The following SLC28A3 variants were observed in gnomAD, a reference collection of about 807,000 sequenced individuals.
SLC28A3 encodes concentrative Na(+)-nucleoside cotransporter 3.
In SLC28A3, 68 loss-of-function variants were observed where a neutral mutation model predicts 84.2. That is an observed-to-expected ratio of 0.81 (90% CI 0.66 to 0.99). The LOEUF (loss-of-function observed/expected upper bound fraction) is 0.99. Among genes scored for constraint, SLC28A3 ranks in the 50% least tolerant of loss-of-function variants. The pLI is 0.00. For missense variants in SLC28A3, 712 were observed against 841.5 expected, an observed-to-expected ratio of 0.85 and a Z score of 1.90; for synonymous variants, 267 against 303.6, an observed-to-expected ratio of 0.88 and a Z score of 1.25.
chr9:84,353,911 C>A, the SLC28A3 span, among the ~76,000 whole-genome samples: 1 of 152,164 alleles, frequency 6.6e-6, no homozygotes. Flanking sequence ...ACCAATCATT[C>A]CAGGTAAATC....
intron 17 of SLC28A3, 65 bp downstream of exon 17, chr9:84,279,200 T>C (rs1824640172): frequency 1.5e-6 from 2 of 1,324,288 alleles, no homozygotes; most frequent in African/African-American, 1.6e-5. Flanking sequence ...AGTAAGTGGA[T>C]ATTTAGGTGT....
chr9:84,308,001 T>C (rs1825860736), intron 3 of SLC28A3, among the ~76,000 whole-genome samples: 1 of 152,138 alleles, frequency 6.6e-6, no homozygotes, highest in East Asian at 1.9e-4. Flanking sequence ...GGATAAAACT[T>C]TGCTATGTTT....
At chr9:84,342,143 A>AT (rs1221204965), upstream of SLC28A3, among the ~76,000 whole-genome samples, 1 of 133,316 alleles carries the variant, frequency 7.5e-6, no homozygotes, top group Non-Finnish European at 1.5e-5. Context: ...AAAAAAAAAA[A>AT]AGAAAAGAAA....
chr9:84,368,049 T>C, the SLC28A3 span, among the ~76,000 whole-genome samples: 1 of 152,060 alleles, frequency 6.6e-6, no homozygotes, highest in East Asian at 1.9e-4. Flanking sequence ...TGGTAAGGTC[T>C]TTCTCTTCCC....
At chr9:84,310,622 T>C in intron 2 of SLC28A3, 2 of 981,422 alleles carry the variant, frequency 2.0e-6, no homozygotes, top group Non-Finnish European at 2.4e-6. Flanking sequence ...ATCATTAGTG[T>C]GTGTCTGAGA....
intron 6 of SLC28A3, among the ~76,000 whole-genome samples, chr9:84,298,822 C>A (rs1825515797): frequency 6.6e-6 from 1 of 152,104 alleles, no homozygotes; most frequent in African/African-American, 2.4e-5. Context: ...GTAAAAGAGA[C>A]CAATAAACTC....
At chr9:84,346,476 T>C in the SLC28A3 span, among the ~76,000 whole-genome samples, 1 of 152,224 alleles carries the variant, frequency 6.6e-6, no homozygotes, top group African/African-American at 2.4e-5. Flanking sequence ...TCCAGACTCC[T>C]GTCTTCCTCC....
chr9:84,305,506 A>C (rs1825762965), intron 3 of SLC28A3, among the ~76,000 whole-genome samples, 161 bp from the exon 4 acceptor site: 2 of 152,238 alleles, frequency 1.3e-5, no homozygotes, highest in South Asian at 4.1e-4. Context: ...ATTTCATTTT[A>C]GACTAGAGTC....
At chr9:84,306,386 CCT>C (rs1333587307) in intron 3 of SLC28A3, among the ~76,000 whole-genome samples, 4 of 152,214 alleles carry the variant, frequency 2.6e-5, no homozygotes, top group African/African-American at 9.6e-5. Flanking sequence ...AAGTCAGCTT[CCT>C]CTCAAGCTTT....
At chr9:84,335,129 G>A (rs941206849) in intron 1 of SLC28A3, among the ~76,000 whole-genome samples, 12 of 152,136 alleles carry the variant, frequency 7.9e-5, no homozygotes, top group Non-Finnish European at 1.2e-4. Flanking sequence ...TATGCTACAA[G>A]CTTCCTACTT....
intron 1 of SLC28A3, among the ~76,000 whole-genome samples, chr9:84,339,583 G>A (rs997405135): frequency 1.4e-4 from 22 of 152,118 alleles, no homozygotes; most frequent in African/African-American, 4.1e-4. Flanking sequence ...TAAAATTTGC[G>A]TGCCTTTTCT....
At chr9:84,361,152 T>G in the SLC28A3 span, among the ~76,000 whole-genome samples, 1 of 152,108 alleles carries the variant, frequency 6.6e-6, no homozygotes, top group Admixed American at 6.5e-5. Flanking sequence ...GAGACCATCC[T>G]GGCCAACATG....
chr9:84,306,882 G>C (rs1343734033), intron 3 of SLC28A3, among the ~76,000 whole-genome samples: 1 of 151,360 alleles, frequency 6.6e-6, no homozygotes, highest in Non-Finnish European at 1.5e-5. Flanking sequence ...AGGAGGCCAG[G>C]TGTGGTGGCT....
At chr9:84,346,074 C>G in the SLC28A3 span, among the ~76,000 whole-genome samples, 4 of 152,240 alleles carry the variant, frequency 2.6e-5, no homozygotes, top group Non-Finnish European at 4.4e-5. Context: ...TGTCTCTTAA[C>G]TCCTCAGAAT....
intron 14 of SLC28A3, among the ~76,000 whole-genome samples, chr9:84,283,257 C>T (rs1588559214): frequency 6.6e-6 from 1 of 152,174 alleles, no homozygotes; most frequent in Non-Finnish European, 1.5e-5. Flanking sequence ...AGAGATGCAC[C>T]GTACTAGAAA....
intron 1 of SLC28A3, among the ~76,000 whole-genome samples, chr9:84,316,087 AC>A (rs147434772): frequency 0.089 from 13,553 of 152,172 alleles, 1,970 homozygotes; most frequent in African/African-American, 0.3. Context: ...CAGCCTAGTA[AC>A]CAGGAGTACA....
At chr9:84,302,169 T>C (rs1825656650) in intron 5 of SLC28A3, 31 bp downstream of exon 5, 1 of 1,604,962 alleles carries the variant, frequency 6.2e-7, no homozygotes, top group East Asian at 2.2e-5. Context: ...CTATCTCTCT[T>C]AACTGAAATA....
intron 1 of SLC28A3, among the ~76,000 whole-genome samples, chr9:84,318,020 G>A (rs550415499): frequency 1.3e-5 from 2 of 152,002 alleles, no homozygotes; most frequent in East Asian, 1.9e-4. Flanking sequence ...GTTATTCTTC[G>A]ACTGCATGGA....
intron 9 of SLC28A3, among the ~76,000 whole-genome samples, chr9:84,293,024 C>G (rs1825299161): frequency 6.6e-6 from 1 of 152,170 alleles, no homozygotes; most frequent in African/African-American, 2.4e-5. Flanking sequence ...TAATAAATGA[C>G]AATTGCTAAC....
Sources: allele counts gnomAD v4.1 joint callset (sites outside exome capture counted in the v4.1 genomes callset), GRCh38; gene constraint gnomAD v4.1.1; transcripts MANE v1.5; gene names NCBI Gene and HGNC (gene_info 2026-07-23, HGNC 2026-07-21).